Variants in BRD3 observed in about 807,000 individuals in gnomAD.
BRD3 encodes bromodomain-containing protein 3.
Under a neutral mutation model 66.8 loss-of-function variants are expected in BRD3, and 17 were observed. That is an observed-to-expected ratio of 0.25 (90% CI 0.17 to 0.38). The LOEUF is 0.38. Ranked by LOEUF, BRD3 falls within the 10% of genes least tolerant of loss-of-function variation. The pLI, the probability that BRD3 is intolerant of heterozygous loss-of-function variation, is 1.00. For missense variants in BRD3, 713 were observed against 956.1 expected (o/e 0.75, Z 3.35); for synonymous variants, 421 against 393.2 (o/e 1.07, Z -0.84).
Position 134,045,354 on chromosome 9 carries a change from G to A in BRD3, c.1154C>T (p.Ser385Leu), listed in dbSNP as rs757600108. 1.2e-6 allele frequency: 2 copies of A among 1,613,714 alleles called. No individual in the cohort carries two copies. Among genetic ancestry groups the A allele is most frequent in the South Asian group, 2.2e-5 (2 of 91,088 alleles). ...GFAADVRLMFSNCYKYNPPDH... is the reference protein window; with the variant it reads ...GFAADVRLMFLNCYKYNPPDH... ...TGGGGGATTGTATTTGTAGCAATTC[G>A]AGAACATCAGCCGGACATCAGCAGC... Residue 385 changes from serine to leucine, a missense_variant, in exon 7 of 12, where the codon TCG (serine) becomes TTG (leucine). Physicochemically the swap from Ser to Leu is moderately radical, Grantham distance 145. Coordinates refer to ENST00000303407, the MANE Select transcript of BRD3 (RefSeq NM_007371.4). This position sits in a 1 kb window ranked among gnomAD's most constrained non-coding sequence, Gnocchi z 4.8.
Position 134,045,248 on chromosome 9 carries a change from C to A in BRD3, c.1215+45G>T. ...CCCCACACTGAGGCCAGGATGCCCACAGCACTGAGCTGAGCAGCCCCACCC... is the reference window on the plus strand; with the variant it reads ...CCCCACACTGAGGCCAGGATGCCCAAAGCACTGAGCTGAGCAGCCCCACCC... On this transcript the variant is annotated intron_variant, in intron 7 of 11. Transcript: ENST00000303407. The surrounding 1 kb of genome is among the most constrained non-coding windows in gnomAD (Gnocchi z 4.8). The A allele has an allele frequency of 6.2e-7, 1 of 1,606,546 alleles. No homozygotes were observed. The highest frequency in any genetic ancestry group is 8.5e-7 in the Non-Finnish European group (1 of 1,175,284).
intron 5 of BRD3, among the ~76,000 whole-genome samples, chr9:134,049,910 C>T (rs1431492512): frequency 6.6e-6 from 1 of 152,210 alleles, no homozygotes; most frequent in Non-Finnish European, 1.5e-5. Flanking sequence ...GAAAAGCTCC[C>T]AGCCAAGTGG....
chr9:134,064,583 G>A (rs990153260), intron 1 of BRD3, among the ~76,000 whole-genome samples: 15 of 150,540 alleles, frequency 1.0e-4, no homozygotes, highest in South Asian at 2.1e-4. Flanking sequence ...CATCTTGGCC[G>A]AGCATGGTGG....
In BRD3 at chr9:134,045,563, C is replaced by T. The variant is rs1830149743; in HGVS notation, c.1087-142G>A. ...CCTACTGGCCTGGCCGGCAGGACAC[C>T]CCAGCTCTCTGGGACCTCGTACGAG... On this transcript the variant is annotated intron_variant, in intron 6 of 11. Transcript: ENST00000303407. This position sits in a 1 kb window ranked among gnomAD's most constrained non-coding sequence, Gnocchi z 4.8. The T allele has an allele frequency of 8.1e-7, 1 of 1,240,598 alleles. No homozygotes were observed. Among genetic ancestry groups the T allele is most frequent in the Non-Finnish European group, 1.1e-6 (1 of 884,806 alleles). The allele number at this position is 1,240,598 out of a possible 1,614,324, so 76.8% of individuals were successfully genotyped here. A position where few individuals can be genotyped will look rare whatever the true frequency, so the allele number is the denominator to read the frequency against.
At chr9:134,043,159 C>T (rs959359752) in intron 7 of BRD3, among the ~76,000 whole-genome samples, 8 of 152,172 alleles carry the variant, frequency 5.3e-5, no homozygotes, top group African/African-American at 1.9e-4. Context: ...TTTGTAGGGA[C>T]AGGGTCCTGC....
Position 134,048,215 on chromosome 9 carries a change from G to A in BRD3, c.954C>T (p.Ile318=). 2 of 1,612,914 alleles carry A rather than the reference G, an allele frequency of 1.2e-6. No homozygotes were observed. The highest frequency in any genetic ancestry group is 1.7e-6 in the Non-Finnish European group (2 of 1,179,892). Residue 318 remains isoleucine (I), a synonymous_variant, in exon 6 of 12, where the codon ATC becomes ATT. Transcript: ENST00000303407. ...GCTTCTTGGATAGCATCTCCCTGAG[G>A]ATGCTGTCGCAGTAGCGTAGGTGCT... is the stretch of plus-strand genomic sequence containing the variant. ...LSEHLRYCDS[I]LREMLSKKHA...
At position 134,045,565 on chromosome 9, in the gene BRD3, C is replaced by A; in HGVS notation, c.1087-144G>T. 4.9e-6 allele frequency: 6 copies of A among 1,224,854 alleles called. No homozygotes were observed. Among genetic ancestry groups the A allele is most frequent in the Non-Finnish European group, 6.9e-6 (6 of 870,818 alleles). The allele number at this position is 1,224,854 out of a possible 1,614,324, so 75.9% of individuals were successfully genotyped here. On this transcript the variant is annotated intron_variant, in intron 6 of 11. Transcript: ENST00000303407. The surrounding 1 kb of genome is among the most constrained non-coding windows in gnomAD (Gnocchi z 4.8). ...TACTGGCCTGGCCGGCAGGACACCCCAGCTCTCTGGGACCTCGTACGAGGA... is the reference window on the plus strand; with the variant it reads ...TACTGGCCTGGCCGGCAGGACACCCAAGCTCTCTGGGACCTCGTACGAGGA...
chr9:134,034,130 T>C (rs1384318038), intron 11 of BRD3, among the ~76,000 whole-genome samples: 12 of 152,194 alleles, frequency 7.9e-5, no homozygotes, highest in African/African-American at 2.9e-4. Context: ...CGCAAGGCCA[T>C]GGCCCCCAGC....
intron 1 of BRD3, 98 bp downstream of exon 1, chr9:134,067,847 C>G (rs1391956294): frequency 7.0e-6 from 1 of 143,616 alleles, no homozygotes; most frequent in Non-Finnish European, 1.5e-5. Context: ...GCGGACTGCG[C>G]GGGGCGCTCG....
rs565484622 is a variant in BRD3, at chr9:134,030,727, A to C, written c.*2863T>G. ...CTGCAAAAGAACAACAACAAAAACA[A>C]ACACACAAAAAAATGTGTCTTACAG... is the stretch of plus-strand genomic sequence containing the variant. On this transcript the variant is annotated 3_prime_UTR_variant, in exon 12 of 12. Coordinates refer to ENST00000303407, the MANE Select transcript of BRD3 (RefSeq NM_007371.4). The C allele has an allele frequency of 5.2e-5, 12 of 231,896 alleles. No homozygotes were observed. The highest frequency in any genetic ancestry group is 3.6e-4 in the South Asian group (2 of 5,502). 14.4% of individuals were successfully genotyped at this position (231,896 alleles called of 1,614,324 possible).
chr9:134,032,956 C>T lies in BRD3; in HGVS notation c.*634G>A. ...CAGCCGCTCTGTTCCCTCCGAGGAG[C>T]TCCTGACATCACCACGAGCGGAGAA... On this transcript the variant is annotated 3_prime_UTR_variant, in exon 12 of 12. Coordinates refer to ENST00000303407, the MANE Select transcript of BRD3 (RefSeq NM_007371.4). 2.5e-6 allele frequency: 1 copy of T among 392,312 alleles called. No individual in the cohort carries two copies. The highest frequency in any genetic ancestry group is 4.5e-6 in the Non-Finnish European group (1 of 222,860). The allele number at this position is 392,312 out of a possible 1,614,324, so 24.3% of individuals were successfully genotyped here.
Position 134,065,146 on chromosome 9 carries a change from T to G in BRD3, c.-114+2799A>C, listed in dbSNP as rs754248023. ...TTCGTGATATAAGGGACCTGCTGGC[T>G]AGGCACGGTGGCTCATGCCTGTAAT... On this transcript the variant is annotated intron_variant, in intron 1 of 11. Coordinates refer to ENST00000303407, the MANE Select transcript of BRD3 (RefSeq NM_007371.4). Among the ~76,000 whole-genome samples the G allele has an allele frequency of 2.0e-5, 3 of 152,118 alleles. No individual in the cohort carries two copies. In the East Asian group the frequency reaches 5.8e-4, roughly 30 times the overall value.
intron 8 of BRD3, 55 bp from the exon 9 acceptor site, chr9:134,040,324 C>T (rs1830017898): frequency 6.5e-7 from 1 of 1,543,824 alleles, no homozygotes; most frequent in Non-Finnish European, 8.7e-7. Context: ...ACCACTGGGG[C>T]TGCGTGGCGC....
At chr9:134,043,185 G>C (rs1464841237) in intron 7 of BRD3, among the ~76,000 whole-genome samples, 1 of 152,146 alleles carries the variant, frequency 6.6e-6, no homozygotes, top group South Asian at 2.1e-4. Context: ...TGCCCAGGCT[G>C]GTCTTGAACC....
chr9:134,061,549 C>T (rs1254686462), intron 1 of BRD3, among the ~76,000 whole-genome samples: 1 of 152,198 alleles, frequency 6.6e-6, no homozygotes, highest in Non-Finnish European at 1.5e-5. Flanking sequence ...CCCAGGGGCT[C>T]CCCATTCCCC....
chr9:134,041,676 C>T, intron 8 of BRD3, 84 bp downstream of exon 8: 9 of 1,489,002 alleles, frequency 6.0e-6, no homozygotes, highest in Non-Finnish European at 7.2e-6. Context: ...GAGGAAGGAA[C>T]CATGCAAAGG....
rs1564551684 is a variant in BRD3 at position 134,045,271 on chromosome 9, CCCGTGCCCAG to C, written c.1215+12_1215+21del. On this transcript the variant is annotated intron_variant, in intron 7 of 11. Transcript: ENST00000303407. This position sits in a 1 kb window ranked among gnomAD's most constrained non-coding sequence, Gnocchi z 4.8. Reference sequence around the variant, plus strand: ...CACAGCACTGAGCTGAGCAGCCCCACCCGTGCCCAGCCTCGGGTTACCTGGAGCTTCCGGG... The same window carrying C: ...CACAGCACTGAGCTGAGCAGCCCCACCCTCGGGTTACCTGGAGCTTCCGGG... 1 of 1,612,738 alleles carries C rather than the reference CCCGTGCCCAG, an allele frequency of 6.2e-7. No homozygotes were observed. Among genetic ancestry groups the C allele is most frequent in the Admixed American group, 1.7e-5 (1 of 59,996 alleles).
rs548147354 is a variant in BRD3 at position 134,038,262 on chromosome 9, C to T, written c.1643+1772G>A. ...CTCTACCTCCCGGGTTCAAGAGATTCTCCTGTCTCAGCCTCCTGAGTAGCT... is the reference window on the plus strand; with the variant it reads ...CTCTACCTCCCGGGTTCAAGAGATTTTCCTGTCTCAGCCTCCTGAGTAGCT... On this transcript the variant is annotated intron_variant, in intron 9 of 11. Transcript: ENST00000303407. 6.5e-3 allele frequency among the ~76,000 whole-genome samples: 986 copies of T among 151,852 alleles called. 16 individuals carry two copies. Among genetic ancestry groups the T allele is most frequent in the African/African-American group, 0.023 (942 of 41,264 alleles).
At chr9:134,062,272 G>A (rs529056586) in intron 1 of BRD3, among the ~76,000 whole-genome samples, 38 of 152,290 alleles carry the variant, frequency 2.5e-4, no homozygotes, top group African/African-American at 9.1e-4. Flanking sequence ...CTGGCCGCCT[G>A]GAGGGCCCGG....
Sources: gnomAD v4.1 joint callset for allele counts (sites outside exome capture counted in the v4.1 genomes callset) on GRCh38, gnomAD v4.1.1 for gene constraint, Gnocchi (gnomAD v3.1) non-coding constraint, MANE v1.5 for transcripts, NCBI Gene and HGNC (gene_info 2026-07-23, HGNC 2026-07-21) for gene names.